The following SLC44A1 variants were observed in gnomAD, a reference collection of about 807,000 sequenced individuals.
SLC44A1 encodes the protein choline transporter-like protein 1.
Under a neutral mutation model 79.3 loss-of-function variants are expected in SLC44A1, and 26 were observed. The ratio of observed to expected loss-of-function variants is 0.33; its 90% CI spans 0.24 to 0.46. The LOEUF is 0.46. Ranked by LOEUF, SLC44A1 falls within the 20% of genes least tolerant of loss-of-function variation. The probability of loss-of-function intolerance (pLI) is 1.00; values close to 1 mark genes in which losing one functional copy is unlikely to be tolerated. For missense variants in SLC44A1, 688 were observed against 798.1 expected (o/e 0.86, Z 1.66); for synonymous variants, 263 against 286.2 (o/e 0.92, Z 0.82).
intron 5 of SLC44A1, among the ~76,000 whole-genome samples, chr9:105,349,792 T>C (rs1311620000): frequency 6.6e-6 from 1 of 152,190 alleles, no homozygotes; most frequent in Non-Finnish European, 1.5e-5. Context: ...AAACATATTA[T>C]GACAGTATAG....
chr9:105,391,657 C>T lies in SLC44A1; in HGVS notation c.*2601C>T. Reference sequence around the variant, plus strand: ...GTGTTGAGGTTATGTTTGGATATTCCTGCTGCCTCTTTTCATTCATTTCAA... The same window carrying T: ...GTGTTGAGGTTATGTTTGGATATTCTTGCTGCCTCTTTTCATTCATTTCAA... On this transcript the variant is annotated 3_prime_UTR_variant, in exon 16 of 16. Coordinates refer to ENST00000374720, the MANE Select transcript of SLC44A1 (RefSeq NM_080546.5). The T allele has an allele frequency of 1.0e-6, 1 of 985,272 alleles. No individual in the cohort carries two copies. Among genetic ancestry groups the T allele is most frequent in the Non-Finnish European group, 1.2e-6 (1 of 829,896 alleles). 61.0% of individuals were successfully genotyped at this position (985,272 alleles called of 1,614,324 possible). A position where few individuals can be genotyped will look rare whatever the true frequency, so the allele number is the denominator to read the frequency against.
intron 15 of SLC44A1, chr9:105,386,294 G>T: frequency 1.1e-6 from 1 of 948,942 alleles, no homozygotes; most frequent in Non-Finnish European, 1.3e-6. Context: ...TCATATATTG[G>T]TCTAATTACT....
chr9:105,277,413 C>T (rs1431954239), intron 1 of SLC44A1, among the ~76,000 whole-genome samples: 1 of 152,122 alleles, frequency 6.6e-6, no homozygotes, highest in Non-Finnish European at 1.5e-5. Context: ...CTTAGATTCC[C>T]TGATGGCAGG....
intron 4 of SLC44A1, among the ~76,000 whole-genome samples, chr9:105,339,167 G>T (rs1827013040): frequency 6.6e-6 from 1 of 152,026 alleles, no homozygotes; most frequent in African/African-American, 2.4e-5. Context: ...TCAACCCATA[G>T]AAGATATTTA....
intron 3 of SLC44A1, among the ~76,000 whole-genome samples, chr9:105,319,711 A>G (rs1234174750): frequency 1.3e-5 from 2 of 152,216 alleles, no homozygotes; most frequent in Non-Finnish European, 2.9e-5. Context: ...AGACACTCCT[A>G]TAAGGCTTAG....
At position 105,393,104 on chromosome 9, in the gene SLC44A1, T is replaced by C; in HGVS notation, c.*4048T>C. 23 of 985,336 alleles carry C rather than the reference T, an allele frequency of 2.3e-5. No individual in the cohort carries two copies. Among genetic ancestry groups the C allele is most frequent in the Non-Finnish European group, 2.5e-5 (21 of 829,850 alleles). 61.0% of individuals were successfully genotyped at this position (985,336 alleles called of 1,614,324 possible). On this transcript the variant is annotated 3_prime_UTR_variant, in exon 16 of 16. Transcript: ENST00000374720. ...TGGCTTGCCTAGAACTGGTAAGAAG[T>C]GGTCTGTGAATGTATATTGAAAAAA...
At chr9:105,353,771 A>T (rs1451002412) in intron 5 of SLC44A1, among the ~76,000 whole-genome samples, 1 of 152,204 alleles carries the variant, frequency 6.6e-6, no homozygotes, top group Non-Finnish European at 1.5e-5. Context: ...AGTGAGTTAA[A>T]CAGAGACTAA....
At chr9:105,328,342 G>A (rs902262391) in intron 3 of SLC44A1, among the ~76,000 whole-genome samples, 2 of 152,184 alleles carry the variant, frequency 1.3e-5, no homozygotes, top group African/African-American at 4.8e-5. Context: ...GAAAGTTGGC[G>A]TTTTAGACAG....
chr9:105,281,311 A>G (rs566437646), intron 1 of SLC44A1, among the ~76,000 whole-genome samples: 3 of 152,270 alleles, frequency 2.0e-5, no homozygotes, highest in African/African-American at 4.8e-5. Context: ...TCCGAAACCT[A>G]TGATATTCTT....
Position 105,365,572 on chromosome 9 carries a change from T to C in SLC44A1, c.1343T>C (p.Phe448Ser). ...CTAGGTACGGTGGCAAAAGGATCTT[T>C]CATTATCACATTAGTCAAAATTCCG... ...YHLGTVAKGS[F>S]IITLVKIPRM... The change falls in exon 11 of 16, where the codon TTC becomes TCC. Residue 448 changes from phenylalanine (F) to serine (S), a missense_variant. Phe to Ser is a radical substitution (Grantham distance 155, BLOSUM62 -2). Coordinates refer to ENST00000374720, the MANE Select transcript of SLC44A1 (RefSeq NM_080546.5). The C allele has an allele frequency of 6.2e-7, 1 of 1,613,746 alleles. No homozygotes were observed. Among genetic ancestry groups the C allele is most frequent in the Non-Finnish European group, 8.5e-7 (1 of 1,179,670 alleles).
intron 3 of SLC44A1, among the ~76,000 whole-genome samples, chr9:105,320,141 C>T (rs759544768): frequency 6.6e-6 from 1 of 152,090 alleles, no homozygotes; most frequent in African/African-American, 2.4e-5. Context: ...CCTTTTAAAA[C>T]ATATAATAAT....
At position 105,270,425 on chromosome 9, in the gene SLC44A1, C is replaced by T. The variant is rs570070332; in HGVS notation, c.36+25521C>T. Among the ~76,000 whole-genome samples, 4 of 152,290 alleles carry T rather than the reference C, an allele frequency of 2.6e-5. No individual in the cohort carries two copies. The South Asian group carries it at 8.3e-4, about 32-fold the overall frequency. The stretch of plus-strand genomic sequence containing the variant: ...AAAGGTGATTCAGACTCCACATCCT[C>T]TCCCCTCCAGAGGCTTCCATCACAC... On this transcript the variant is annotated intron_variant, in intron 1 of 15. Transcript: ENST00000374720.
At chr9:105,405,195 C>T (rs1023851026) in intron 15 of SLC44A1, among the ~76,000 whole-genome samples, 5 of 152,000 alleles carry the variant, frequency 3.3e-5, no homozygotes, top group African/African-American at 1.2e-4. Flanking sequence ...ATGGCGGGCA[C>T]CTGCAATCCC....
At chr9:105,347,400 T>A (rs1827273602) in intron 4 of SLC44A1, among the ~76,000 whole-genome samples, 1 of 152,042 alleles carries the variant, frequency 6.6e-6, no homozygotes, top group Admixed American at 6.6e-5. Flanking sequence ...GGAGCCTGGG[T>A]CTCCTCACTT....
intron 1 of SLC44A1, among the ~76,000 whole-genome samples, chr9:105,265,542 G>A (rs328022): frequency 2.0e-5 from 3 of 151,264 alleles, no homozygotes; most frequent in African/African-American, 2.5e-5. Flanking sequence ...TGAAGAACAC[G>A]GGGTTGTTTC....
chr9:105,405,023 A>G (rs1033011159), intron 15 of SLC44A1, among the ~76,000 whole-genome samples: 7 of 152,252 alleles, frequency 4.6e-5, no homozygotes, highest in African/African-American at 1.7e-4. Flanking sequence ...AGTTTTATGT[A>G]TAAAAGCTAA....
At chr9:105,304,062 C>G (rs1039614830) in intron 2 of SLC44A1, among the ~76,000 whole-genome samples, 2 of 152,108 alleles carry the variant, frequency 1.3e-5, no homozygotes, top group African/African-American at 4.8e-5. Flanking sequence ...TAAGGAGAAG[C>G]AGTTAGAAAT....
At chr9:105,313,938 A>G (rs1474497096) in intron 3 of SLC44A1, among the ~76,000 whole-genome samples, 1 of 151,234 alleles carries the variant, frequency 6.6e-6, no homozygotes. Context: ...TTTTTTTTGT[A>G]TTTTTAGTAG....
intron 1 of SLC44A1, among the ~76,000 whole-genome samples, chr9:105,286,107 A>C (rs1365069495): frequency 6.6e-6 from 1 of 152,100 alleles, no homozygotes; most frequent in African/African-American, 2.4e-5. Context: ...TCTCAAAAAA[A>C]ATTTTTTATT....
Sources: allele counts gnomAD v4.1 joint callset (sites outside exome capture counted in the v4.1 genomes callset), GRCh38; gene constraint gnomAD v4.1.1; transcripts MANE v1.5; gene names NCBI Gene and HGNC (gene_info 2026-07-23, HGNC 2026-07-21).